ING4: variants seen among roughly 807,000 people sequenced by gnomAD.
ING4 encodes inhibitor of growth protein 4.
In ING4, 28 loss-of-function variants were observed where a neutral mutation model predicts 33.1. That is an observed-to-expected ratio of 0.85 (90% CI 0.63 to 1.16). ING4 has a LOEUF of 1.16. Among genes scored for constraint, ING4 ranks in the 50% most tolerant of loss-of-function variants. The pLI is 0.00. For missense variants in ING4, 247 were observed against 314.7 expected, an observed-to-expected ratio of 0.78 and a Z score of 1.63; for synonymous variants, 87 against 104.4, an observed-to-expected ratio of 0.83 and a Z score of 1.02.
intron 2 of ING4, among the ~76,000 whole-genome samples, chr12:6,654,001 AT>A (rs1416571724): frequency 2.6e-5 from 4 of 151,822 alleles, no homozygotes; most frequent in Non-Finnish European, 4.4e-5. Context: ...CGCCTGGCTA[AT>A]TTTTTCTATT....
At chr12:6,661,962 C>T (rs954640942) in intron 1 of ING4, among the ~76,000 whole-genome samples, 2 of 152,204 alleles carry the variant, frequency 1.3e-5, no homozygotes, top group Non-Finnish European at 1.5e-5. Context: ...TCATACTCTA[C>T]TTTAAAATGC....
At position 6,655,340 on chromosome 12, in the gene ING4, G is replaced by A. The variant is rs74239562; in HGVS notation, c.109+1387C>T. 1.2e-4 allele frequency among the ~76,000 whole-genome samples: 18 copies of A among 152,294 alleles called. No homozygotes were observed. The East Asian group carries it at 3.1e-3, about 26-fold the overall frequency. On this transcript the variant is annotated intron_variant, in intron 2 of 7. Transcript: ENST00000341550. ...ATTACAGGCGTAAGCCACCGCACCC[G>A]GCCCCAAATGTTTTAATATTGGAAG...
At chr12:6,651,708 AT>A (rs1217023912) in intron 6 of ING4, among the ~76,000 whole-genome samples, 1 of 151,722 alleles carries the variant, frequency 6.6e-6, no homozygotes, top group East Asian at 1.9e-4. Context: ...TGCCTGGCTA[AT>A]TTTTGTATTT....
At chr12:6,654,213 TC>T (rs1291933233) in intron 2 of ING4, among the ~76,000 whole-genome samples, 1 of 152,190 alleles carries the variant, frequency 6.6e-6, no homozygotes, top group Non-Finnish European at 1.5e-5. Flanking sequence ...ACTCCTGTCC[TC>T]AAGTGATTCT....
At chr12:6,660,372 G>A (rs1448918035) in intron 1 of ING4, among the ~76,000 whole-genome samples, 1 of 152,152 alleles carries the variant, frequency 6.6e-6, no homozygotes, top group African/African-American at 2.4e-5. Flanking sequence ...ACTCTGGGAG[G>A]CCAAGGTGGG....
At position 6,651,052 on chromosome 12, in the gene ING4, G is replaced by T; in HGVS notation, c.*143C>A. On this transcript the variant is annotated 3_prime_UTR_variant, in exon 8 of 8. Coordinates refer to ENST00000341550, the MANE Select transcript of ING4 (RefSeq NM_016162.4). Reference sequence around the variant, plus strand: ...GTCTGATGCAGCCTCAGCACCGGGAGTGGGGAGAGGGGAGGAGAAGGGATG... The same window carrying T: ...GTCTGATGCAGCCTCAGCACCGGGATTGGGGAGAGGGGAGGAGAAGGGATG... The T allele has an allele frequency of 1.1e-6, 1 of 901,106 alleles. No individual in the cohort carries two copies. Among genetic ancestry groups the T allele is most frequent in the South Asian group, 1.5e-5 (1 of 64,758 alleles). 55.8% of individuals were successfully genotyped at this position (901,106 alleles called of 1,614,324 possible).
chr12:6,653,648 G>A (rs1418531774), intron 2 of ING4, among the ~76,000 whole-genome samples: 1 of 152,162 alleles, frequency 6.6e-6, no homozygotes, highest in African/African-American at 2.4e-5. Context: ...AACACAGCAA[G>A]GGATCCTTTG....
At chr12:6,656,189 G>C (rs942961117) in intron 2 of ING4, among the ~76,000 whole-genome samples, 1 of 144,896 alleles carries the variant, frequency 6.9e-6, no homozygotes, top group African/African-American at 2.6e-5. Flanking sequence ...TTTTTTTTGA[G>C]ACAGAGTCTT....
chr12:6,651,471 T>C (rs950823503), intron 6 of ING4, 86 bp from the exon 7 acceptor site: 3 of 1,085,310 alleles, frequency 2.8e-6, no homozygotes, highest in South Asian at 2.6e-5. Flanking sequence ...AGGAACATCC[T>C]GTCCTTTACT....
Position 6,652,942 on chromosome 12 carries a change from T to C in ING4, c.385A>G (p.Lys129Glu). The change falls in exon 4 of 8, where the codon AAA becomes GAA. Residue 129 changes from lysine to glutamate, a missense_variant. Transcript: ENST00000341550. ...SDYDSSSSKG[K>E]KSRTQKEKKA... ...AGCCCCGCCCCCTCCTCACTCTTTT[T>C]GCCTTTGCTGGAAGAGCTGTCATAG... 1.2e-6 allele frequency: 2 copies of C among 1,613,660 alleles called. No individual in the cohort carries two copies. The highest frequency in any genetic ancestry group is 1.7e-6 in the Non-Finnish European group (2 of 1,179,604).
intron 2 of ING4, 146 bp downstream of exon 2, chr12:6,656,581 C>A: frequency 4.8e-6 from 3 of 623,846 alleles, no homozygotes; most frequent in Non-Finnish European, 8.4e-6. Flanking sequence ...GATCATTATC[C>A]TGTTTTAAGA....
Position 6,656,796 on chromosome 12 carries a change from T to C in ING4, c.40A>G (p.Ile14Val). The C allele has an allele frequency of 6.4e-7, 1 of 1,552,806 alleles. No homozygotes were observed. Among genetic ancestry groups the C allele is most frequent in the Non-Finnish European group, 8.7e-7 (1 of 1,149,266 alleles). The change falls in exon 2 of 8, where the codon ATT becomes GTT. Residue 14 changes from isoleucine to valine, a missense_variant and splice_region_variant. Around this residue, in one of 3 missense-constraint regions of ING4, gnomAD observed 198 missense variants for 221.2 expected, o/e 0.89. Transcript: ENST00000341550. Reference sequence around the variant, plus strand: ...TGTAATTCAAAGGGAAGGTTTTCAATACCTAGGGAAGAGAGAGAAACAATC... The same window carrying C: ...TGTAATTCAAAGGGAAGGTTTTCAACACCTAGGGAAGAGAGAGAAACAATC... The part of the protein sequence containing the change: ...GMYLEHYLDS[I>V]ENLPFELQRN...
chr12:6,659,791 C>T (rs74651259), intron 1 of ING4, among the ~76,000 whole-genome samples: 1,518 of 141,368 alleles, frequency 0.011, 12 homozygotes, highest in Non-Finnish European at 0.016. Context: ...CCAGCCTGGG[C>T]GACAGAGCGA....
intron 6 of ING4, among the ~76,000 whole-genome samples, 167 bp downstream of exon 6, chr12:6,652,104 C>T (rs1449801873): frequency 6.6e-6 from 1 of 151,994 alleles, no homozygotes; most frequent in Non-Finnish European, 1.5e-5. Flanking sequence ...ACGTGATCTG[C>T]CCGCCTCAGC....
chr12:6,651,139 C>T lies in ING4; in HGVS notation c.*56G>A. 1 of 1,593,638 alleles carries T rather than the reference C, an allele frequency of 6.3e-7. No individual in the cohort carries two copies. The highest frequency in any genetic ancestry group is 8.6e-7 in the Non-Finnish European group (1 of 1,161,720). On this transcript the variant is annotated 3_prime_UTR_variant, in exon 8 of 8. Transcript: ENST00000341550. ...GCCCCAGCACAGGCATTCCTCTGCC[C>T]ACTAGCCCAAGTCAGGGGATGTGGA... is the stretch of plus-strand genomic sequence containing the variant.
chr12:6,662,080 G>A (rs1261563431), intron 1 of ING4, among the ~76,000 whole-genome samples: 2 of 152,106 alleles, frequency 1.3e-5, no homozygotes, highest in South Asian at 2.1e-4. Context: ...CAAATACGCT[G>A]ACCTCTGAGT....
At chr12:6,659,225 C>T (rs950127311) in intron 1 of ING4, among the ~76,000 whole-genome samples, 3 of 152,178 alleles carry the variant, frequency 2.0e-5, no homozygotes, top group African/African-American at 7.2e-5. Flanking sequence ...TCAAGACCAG[C>T]CTTGGCAGCC....
intron 1 of ING4, 47 bp from the exon 2 acceptor site, chr12:6,656,845 T>C: frequency 8.5e-7 from 1 of 1,182,696 alleles, no homozygotes; most frequent in South Asian, 1.4e-5. Flanking sequence ...TGCATAGGCC[T>C]TACAGCTCCT....
In ING4 at chr12:6,652,325, AT is replaced by A; in HGVS notation, c.590del (p.Tyr197PhefsTer12). 6.2e-7 allele frequency: 1 copy of A among 1,614,164 alleles called. No homozygotes were observed. Among genetic ancestry groups the A allele is most frequent in the Non-Finnish European group, 8.5e-7 (1 of 1,180,022 alleles). ...DMPVDPNEPT[Y>X]CLCHQVSYGE... ...CATAGGAGACCTGGTGACAAAGGCAATAGGTGGGTTCGTTGGGATCCACAGG... is the reference window on the plus strand; with the variant it reads ...CATAGGAGACCTGGTGACAAAGGCAAAGGTGGGTTCGTTGGGATCCACAGG... On this transcript the variant is annotated frameshift_variant, in exon 6 of 8. Transcript: ENST00000341550. LOFTEE classifies it high-confidence loss of function.
Sources: gnomAD v4.1 joint callset for allele counts (sites outside exome capture counted in the v4.1 genomes callset) on GRCh38, gnomAD v4.1.1 for gene constraint, gnomAD v4.1.1 regional missense constraint, MANE v1.5 for transcripts, NCBI Gene and HGNC (gene_info 2026-07-23, HGNC 2026-07-21) for gene names.